Variants in CCDC187 observed in about 807,000 individuals in gnomAD.
The protein encoded by CCDC187 is coiled-coil domain-containing protein 187.
Under a neutral mutation model 38.0 loss-of-function variants are expected in CCDC187, and 32 were observed. That is an observed-to-expected ratio of 0.84 (90% CI 0.64 to 1.13). The LOEUF (loss-of-function observed/expected upper bound fraction) is 1.13. Among genes scored for constraint, CCDC187 ranks in the 50% most tolerant of loss-of-function variants. CCDC187 has a pLI of 0.00. For missense variants in CCDC187, 707 were observed against 786.8 expected (o/e 0.90, Z 1.21); for synonymous variants, 333 against 347.9 (o/e 0.96, Z 0.48).
chr9:136,301,979 A>G (rs1404955816), intron 2 of CCDC187, among the ~76,000 whole-genome samples: 1 of 151,922 alleles, frequency 6.6e-6, no homozygotes, highest in Non-Finnish European at 1.5e-5. Flanking sequence ...TGGGAGGCCG[A>G]GGTGGGCGGA....
intron 9 of CCDC187, among the ~76,000 whole-genome samples, 195 bp downstream of exon 9, chr9:136,285,318 C>A (rs1488644403): frequency 7.2e-5 from 11 of 152,232 alleles, no homozygotes; most frequent in African/African-American, 2.4e-4. Flanking sequence ...CTGCCCCGGC[C>A]AGCGTCCGAG....
At chr9:136,268,252 C>T (rs998095716) in intron 14 of CCDC187, 127 bp from the exon 15 acceptor site, 5 of 407,054 alleles carry the variant, frequency 1.2e-5, no homozygotes, top group South Asian at 1.0e-4. Context: ...CATCCCATCC[C>T]GGACACACAG....
chr9:136,254,678 C>G lies in CCDC187; in HGVS notation c.5150G>C (p.Gly1717Ala), dbSNP rs1830591189. 1.0e-6 allele frequency: 1 copy of G among 985,432 alleles called. No individual in the cohort carries two copies. The allele number at this position is 985,432 out of a possible 1,614,324, so 61.0% of individuals were successfully genotyped here. A position where few individuals can be genotyped will look rare whatever the true frequency, so the allele number is the denominator to read the frequency against. ...TGCCATGGCCGTGTCCAAGGAGGAG[C>G]CACGCAGGGGGCCGGCCCTGCGGCC... The part of the protein sequence containing the change: ...PQGRRAGPLR[G>A]SSLDTAMAEV... Residue 1717 changes from glycine (G) to alanine (A), a missense_variant, in exon 26 of 26, where the codon GGC becomes GCC. Transcript: ENST00000638797.
intron 12 of CCDC187, among the ~76,000 whole-genome samples, chr9:136,275,832 C>T (rs1304627982): frequency 1.3e-5 from 2 of 152,110 alleles, no homozygotes; most frequent in African/African-American, 2.4e-5. Context: ...AGAGACCTGC[C>T]GGGGGTGTAA....
chr9:136,279,796 A>G (rs1180975313), intron 10 of CCDC187, among the ~76,000 whole-genome samples: 1 of 152,246 alleles, frequency 6.6e-6, no homozygotes, highest in Non-Finnish European at 1.5e-5. Context: ...CAATTCAGCC[A>G]TGAGGCGGCA....
At chr9:136,289,912 C>A (rs1037248209) in intron 7 of CCDC187, 47 bp downstream of exon 7, 1 of 392,308 alleles carries the variant, frequency 2.5e-6, no homozygotes, top group Non-Finnish European at 4.5e-6. Flanking sequence ...CTTGGCCCCC[C>A]CCAAGGCCCC....
chr9:136,282,096 C>T (rs1010400792), intron 9 of CCDC187, among the ~76,000 whole-genome samples: 8 of 152,234 alleles, frequency 5.3e-5, no homozygotes, highest in Admixed American at 5.2e-4. Context: ...TCCCAGCCAG[C>T]GTGGTCATCG....
intron 14 of CCDC187, among the ~76,000 whole-genome samples, chr9:136,270,724 T>C (rs545656880): frequency 2.0e-5 from 3 of 152,298 alleles, no homozygotes; most frequent in South Asian, 4.1e-4. Context: ...CTCCCTTTCA[T>C]GGTCAGCTAA....
At chr9:136,263,281 G>C (rs1368983193) in intron 18 of CCDC187, among the ~76,000 whole-genome samples, 7 of 150,130 alleles carry the variant, frequency 4.7e-5, no homozygotes, top group Non-Finnish European at 8.9e-5. Flanking sequence ...GTCGCCCAGG[G>C]TGGAGTGCAG....
At chr9:136,267,361 C>A (rs1554761820) in intron 16 of CCDC187, 23 bp downstream of exon 16, 1 of 984,178 alleles carries the variant, frequency 1.0e-6, no homozygotes, top group Non-Finnish European at 1.2e-6. Context: ...GGGGCGGGGC[C>A]GGCGCCAGGC....
At chr9:136,270,680 C>T (rs1830825962) in intron 14 of CCDC187, among the ~76,000 whole-genome samples, 1 of 152,162 alleles carries the variant, frequency 6.6e-6, no homozygotes, top group South Asian at 2.1e-4. Context: ...GCTGGTGGAG[C>T]AGAGCGTTCC....
intron 25 of CCDC187, among the ~76,000 whole-genome samples, 171 bp downstream of exon 25, chr9:136,255,486 C>T (rs1378428739): frequency 1.3e-5 from 2 of 152,218 alleles, no homozygotes; most frequent in Non-Finnish European, 2.9e-5. Flanking sequence ...CACTCACCTC[C>T]CCTGGCAACC....
At chr9:136,299,921 C>T (rs1831633471) in intron 3 of CCDC187, among the ~76,000 whole-genome samples, 1 of 152,242 alleles carries the variant, frequency 6.6e-6, no homozygotes, top group African/African-American at 2.4e-5. Context: ...CTTGCCTGTT[C>T]TGTGCAGGAG....
chr9:136,290,451 G>A lies in CCDC187; in HGVS notation c.2127+35C>T, dbSNP rs1442454405. 3.8e-5 allele frequency: 15 copies of A among 398,514 alleles called. No individual in the cohort carries two copies. The South Asian group carries it at 1.0e-3, about 27-fold the overall frequency. The allele number at this position is 398,514 out of a possible 1,614,324, so 24.7% of individuals were successfully genotyped here. A position where few individuals can be genotyped will look rare whatever the true frequency, so the allele number is the denominator to read the frequency against. On this transcript the variant is annotated intron_variant, in intron 6 of 25. Transcript: ENST00000638797. ...GCGCCTAAGCCTCTGGCCCATGGCT[G>A]AGCCGAGTCCCCCCAACCCAACCCC...
chr9:136,285,106 C>A (rs1480058353), intron 9 of CCDC187, among the ~76,000 whole-genome samples: 1 of 151,878 alleles, frequency 6.6e-6, no homozygotes. Flanking sequence ...GGGATGGGAG[C>A]CAGGTGTGTG....
chr9:136,261,822 G>A (rs1830682212), intron 19 of CCDC187, among the ~76,000 whole-genome samples: 2 of 152,234 alleles, frequency 1.3e-5, no homozygotes, highest in Admixed American at 1.3e-4. Context: ...CTTGAGGGCT[G>A]CTGGCCCTGG....
In CCDC187 at chr9:136,254,662, C is replaced by T. The variant is rs571178898; in HGVS notation, c.5166G>A (p.Thr1722=). 124 of 985,538 alleles carry T rather than the reference C, an allele frequency of 1.3e-4. No homozygotes were observed. In the South Asian group the frequency reaches 3.1e-3, roughly 24 times the overall value. The allele number at this position is 985,538 out of a possible 1,614,324, so 61.0% of individuals were successfully genotyped here. The part of the protein sequence containing the change: ...AGPLRGSSLD[T]AMAEVSAPEQ... ...CCGGCGCTGAAACTTCTGCCATGGC[C>T]GTGTCCAAGGAGGAGCCACGCAGGG... Residue 1722 remains threonine, a synonymous_variant, in exon 26 of 26, where the codon ACG becomes ACA. Transcript: ENST00000638797.
rs1830532859 is a variant in CCDC187 at position 136,251,303 on chromosome 9, A to C, written c.*2291T>G. 1 of 333,916 alleles carries C rather than the reference A, an allele frequency of 3.0e-6. No individual in the cohort carries two copies. The highest frequency in any genetic ancestry group is 6.0e-6 in the Non-Finnish European group (1 of 167,608). The allele number at this position is 333,916 out of a possible 1,614,324, so 20.7% of individuals were successfully genotyped here. A position where few individuals can be genotyped will look rare whatever the true frequency, so the allele number is the denominator to read the frequency against. ...TCAGCTGCCCTGGCCTTCCAGGCAC[A>C]GCAAGTCCTGAGCATGCTCCAGAAG... On this transcript the variant is annotated 3_prime_UTR_variant, in exon 26 of 26. Coordinates refer to ENST00000638797, the MANE Select transcript of CCDC187 (RefSeq NM_001378188.1).
At chr9:136,284,159 G>A (rs1323947502) in intron 9 of CCDC187, among the ~76,000 whole-genome samples, 4,220 of 152,160 alleles carry the variant, frequency 0.028, 82 homozygotes, top group Middle Eastern at 0.082. Flanking sequence ...GGGAAGGCTG[G>A]GCTTCGGGAG....
Sources: allele counts gnomAD v4.1 joint callset (sites outside exome capture counted in the v4.1 genomes callset), GRCh38; gene constraint gnomAD v4.1.1; transcripts MANE v1.5; gene names NCBI Gene and HGNC (gene_info 2026-07-23, HGNC 2026-07-21).